The following SH3BGRL2 variants were observed in gnomAD, a reference collection of about 807,000 sequenced individuals.
SH3BGRL2 encodes SH3 domain binding glutamate rich protein like 2.
SH3BGRL2 carries 21 observed loss-of-function variants against 14.8 expected under a neutral mutation model. The ratio of observed to expected loss-of-function variants is 1.42; its 90% CI spans 1.01 to 2.05. The LOEUF (loss-of-function observed/expected upper bound fraction) is 2.05. Among genes scored for constraint, SH3BGRL2 ranks in the 30% most tolerant of loss-of-function variants. SH3BGRL2 has a pLI of 0.00. For missense variants in SH3BGRL2, 147 were observed against 130.8 expected (o/e 1.12, Z -0.61); for synonymous variants, 50 against 47.8 (o/e 1.05, Z -0.19).
chr6:79,610,777 A>T, the SH3BGRL2 span, among the ~76,000 whole-genome samples: 2 of 152,240 alleles, frequency 1.3e-5, no homozygotes, highest in African/African-American at 2.4e-5. Flanking sequence ...AACTGTGGTC[A>T]GTCCCATAAC....
chr6:79,658,386 T>C (rs774247300), intron 1 of SH3BGRL2, among the ~76,000 whole-genome samples: 18 of 152,292 alleles, frequency 1.2e-4, no homozygotes, highest in Non-Finnish European at 2.1e-4. Context: ...AGTGAGAACA[T>C]GCGTTGTTTG....
At chr6:79,661,693 C>A (rs1769551917) in intron 1 of SH3BGRL2, among the ~76,000 whole-genome samples, 1 of 152,090 alleles carries the variant, frequency 6.6e-6, no homozygotes, top group Non-Finnish European at 1.5e-5. Flanking sequence ...CCTTGTTAAT[C>A]TTCTGTCTCA....
the SH3BGRL2 span, among the ~76,000 whole-genome samples, chr6:79,537,856 C>T: frequency 6.6e-6 from 1 of 152,032 alleles, no homozygotes; most frequent in Non-Finnish European, 1.5e-5. Flanking sequence ...GATCTTCTTA[C>T]CGAAATGGCT....
At chr6:79,625,223 CAT>C in the SH3BGRL2 span, among the ~76,000 whole-genome samples, 12 of 139,204 alleles carry the variant, frequency 8.6e-5, no homozygotes, top group African/African-American at 2.0e-4. Flanking sequence ...TATACACACA[CAT>C]ATATATATAC....
At chr6:79,693,329 C>T (rs1046676128) in intron 2 of SH3BGRL2, among the ~76,000 whole-genome samples, 3 of 151,506 alleles carry the variant, frequency 2.0e-5, no homozygotes, top group Non-Finnish European at 4.4e-5. Flanking sequence ...TTCCTCTTTT[C>T]CTAATTGAAT....
At chr6:79,598,268 A>G in the SH3BGRL2 span, among the ~76,000 whole-genome samples, 1 of 152,206 alleles carries the variant, frequency 6.6e-6, no homozygotes, top group Non-Finnish European at 1.5e-5. Flanking sequence ...ATAAAAATAT[A>G]TATCCACACA....
chr6:79,668,601 G>A (rs891325897), intron 1 of SH3BGRL2, among the ~76,000 whole-genome samples: 1 of 151,982 alleles, frequency 6.6e-6, no homozygotes, highest in Non-Finnish European at 1.5e-5. Flanking sequence ...TGAAGTTAGT[G>A]GGGGGGAGTG....
chr6:79,693,966 G>T (rs1342964054), intron 2 of SH3BGRL2, among the ~76,000 whole-genome samples: 1 of 152,166 alleles, frequency 6.6e-6, no homozygotes, highest in Admixed American at 6.6e-5. Context: ...CCTGTGATGT[G>T]TTGATTTTGG....
At chr6:79,563,741 C>G in the SH3BGRL2 span, among the ~76,000 whole-genome samples, 1 of 151,800 alleles carries the variant, frequency 6.6e-6, no homozygotes, top group Non-Finnish European at 1.5e-5. Flanking sequence ...CTAGGTGAGA[C>G]CAAAAAAAGA....
Position 79,673,780 on chromosome 6 carries a change from A to G in SH3BGRL2, c.212A>G (p.Asn71Ser). The change falls in exon 2 of 4, where the codon AAT (asparagine) becomes AGT (serine). Residue 71 changes from asparagine to serine, a missense_variant. By Grantham distance (46) the Asn-to-Ser change is conservative. Coordinates refer to ENST00000369838, the MANE Select transcript of SH3BGRL2 (RefSeq NM_031469.4). ...QGNPLPPQIF[N>S]GDRYCGDYDS... ...AACCCCCTGCCACCTCAGATATTTA[A>G]TGGCGACCGATACTGTGGAGTAAGT... 1 of 1,613,898 alleles carries G rather than the reference A, an allele frequency of 6.2e-7. No homozygotes were observed. Among genetic ancestry groups the G allele is most frequent in the African/African-American group, 1.3e-5 (1 of 75,016 alleles).
intron 1 of SH3BGRL2, among the ~76,000 whole-genome samples, chr6:79,668,634 G>A (rs1466195318): frequency 6.6e-6 from 1 of 151,966 alleles, no homozygotes; most frequent in Non-Finnish European, 1.5e-5. Context: ...AGAGTACTAA[G>A]GTCGTAATGG....
chr6:79,584,021 T>C, the SH3BGRL2 span, among the ~76,000 whole-genome samples: 1 of 152,212 alleles, frequency 6.6e-6, no homozygotes, highest in African/African-American at 2.4e-5. Context: ...TGATGAGCCA[T>C]ATAAACAGTC....
chr6:79,603,587 C>T, the SH3BGRL2 span, among the ~76,000 whole-genome samples: 2 of 152,164 alleles, frequency 1.3e-5, no homozygotes, highest in African/African-American at 4.8e-5. Context: ...TGATATCACT[C>T]ACTAGAAGTA....
the SH3BGRL2 span, among the ~76,000 whole-genome samples, chr6:79,614,512 A>G: frequency 3.3e-5 from 5 of 152,188 alleles, no homozygotes; most frequent in African/African-American, 1.2e-4. Flanking sequence ...TCTAGACTTC[A>G]GACTTTAGCT....
the SH3BGRL2 span, among the ~76,000 whole-genome samples, chr6:79,576,910 C>T: frequency 6.6e-6 from 1 of 152,264 alleles, no homozygotes; most frequent in East Asian, 1.9e-4. Context: ...TTTTGCTCAG[C>T]ATAACGTTTT....
At chr6:79,649,880 C>G (rs1403388469) in intron 1 of SH3BGRL2, among the ~76,000 whole-genome samples, 1 of 152,050 alleles carries the variant, frequency 6.6e-6, no homozygotes, top group African/African-American at 2.4e-5. Flanking sequence ...GTGTCTAGCA[C>G]AATGAAAGTC....
At chr6:79,587,029 A>G in the SH3BGRL2 span, among the ~76,000 whole-genome samples, 1 of 151,994 alleles carries the variant, frequency 6.6e-6, no homozygotes, top group African/African-American at 2.4e-5. Context: ...TTTTATCTAG[A>G]CCCCCAGGTG....
the SH3BGRL2 span, among the ~76,000 whole-genome samples, chr6:79,589,951 T>C: frequency 6.6e-6 from 1 of 152,070 alleles, no homozygotes; most frequent in South Asian, 2.1e-4. Flanking sequence ...TTTGTTTTTT[T>C]TTGTAGAGAC....
chr6:79,596,261 C>T, the SH3BGRL2 span, among the ~76,000 whole-genome samples: 8 of 152,322 alleles, frequency 5.3e-5, no homozygotes, highest in Admixed American at 3.3e-4. Flanking sequence ...TGGGCTCAAA[C>T]GATCCTCCCA....
Sources: allele counts gnomAD v4.1 joint callset (sites outside exome capture counted in the v4.1 genomes callset), GRCh38; gene constraint gnomAD v4.1.1; transcripts MANE v1.5; gene names NCBI Gene and HGNC (gene_info 2026-07-23, HGNC 2026-07-21).